Variants in ZFP91 observed in about 807,000 individuals in gnomAD.
The protein encoded by ZFP91 is E3 ubiquitin-protein ligase ZFP91.
A neutral mutation model predicts 63.5 loss-of-function variants in ZFP91; 7 were observed. The ratio of observed to expected loss-of-function variants is 0.11; its 90% CI spans 0.06 to 0.21. The LOEUF (loss-of-function observed/expected upper bound fraction) is 0.21. Ranked by LOEUF, ZFP91 falls within the 10% of genes least tolerant of loss-of-function variation. ZFP91 has a pLI of 1.00. For synonymous variants in ZFP91, 330 were observed against 272.1 expected, an observed-to-expected ratio of 1.21 and a Z score of -2.10; for missense variants, 628 against 736.6, an observed-to-expected ratio of 0.85 and a Z score of 1.71.
intron 2 of ZFP91, among the ~76,000 whole-genome samples, chr11:58,592,646 C>T (rs1027917066): frequency 1.3e-5 from 2 of 151,864 alleles, no homozygotes; most frequent in Non-Finnish European, 2.9e-5. Context: ...ATGTAGTTAC[C>T]GAACGCTGGG....
At chr11:58,612,609 A>T in intron 7 of ZFP91, 153 bp from the exon 8 acceptor site, 1 of 660,346 alleles carries the variant, frequency 1.5e-6, no homozygotes. Flanking sequence ...TACTTCTAAT[A>T]CAAATTCTGT....
At position 58,609,872 on chromosome 11, in the gene ZFP91, C is replaced by G; in HGVS notation, c.413C>G (p.Pro138Arg). 6.2e-7 allele frequency: 1 copy of G among 1,614,164 alleles called. No homozygotes were observed. The highest frequency in any genetic ancestry group is 8.5e-7 in the Non-Finnish European group (1 of 1,180,024). ...EKEEEDDSALPQEVSIAASRP... is the reference protein window; with the variant it reads ...EKEEEDDSALRQEVSIAASRP... ...GAGGAAGAAGACGATTCTGCCCTCC[C>G]TCAGGAAGTTTCCATTGCTGCATCT... The change falls in exon 3 of 11, where the codon CCT (proline) becomes CGT (arginine). Residue 138 changes from proline (P) to arginine (R), a missense_variant. By Grantham distance (103) the Pro-to-Arg change is moderately radical (BLOSUM62 -2). This residue lies in a region of ZFP91 where 437 missense variants were observed against 380.3 expected (regional missense o/e 1.15). Coordinates refer to ENST00000316059, the MANE Select transcript of ZFP91 (RefSeq NM_053023.5).
chr11:58,588,394 G>A (rs149661464), intron 2 of ZFP91, among the ~76,000 whole-genome samples: 14 of 152,060 alleles, frequency 9.2e-5, no homozygotes, highest in Non-Finnish European at 2.1e-4. Flanking sequence ...CATACTATCT[G>A]TAATTATTAC....
Position 58,609,922 on chromosome 11 carries a change from A to T in ZFP91, c.463A>T (p.Ser155Cys). Residue 155 changes from serine to cysteine, a missense_variant, in exon 3 of 11, where the codon AGT becomes TGT. Physicochemically the swap from Ser to Cys is moderately radical, Grantham distance 112 (BLOSUM62 -1). Transcript: ENST00000316059. The part of the protein sequence containing the change: ...ASRPSRGWRS[S>C]RTSVSRHRDT... ...TAGACCTAGCCGGGGCTGGCGTAGT[A>T]GTAGGACATCTGTTTCTCGCCATCG... 1 of 1,614,194 alleles carries T rather than the reference A, an allele frequency of 6.2e-7. No individual in the cohort carries two copies. Among genetic ancestry groups the T allele is most frequent in the Non-Finnish European group, 8.5e-7 (1 of 1,180,024 alleles).
At chr11:58,598,749 C>CGTGTGTGTGTGTGT (rs56110499) in intron 2 of ZFP91, among the ~76,000 whole-genome samples, 3 of 120,814 alleles carry the variant, frequency 2.5e-5, no homozygotes, top group African/African-American at 7.9e-5. Context: ...CTTTTGTGCA[C>CGTGTGTGTGTGTGT]GTGTGTGTGT....
At chr11:58,601,826 T>C (rs1398980098) in intron 2 of ZFP91, among the ~76,000 whole-genome samples, 1 of 152,224 alleles carries the variant, frequency 6.6e-6, no homozygotes. Flanking sequence ...TTCCTTCTGA[T>C]ATTGATTTCT....
chr11:58,600,643 C>T (rs1015877657), intron 2 of ZFP91, among the ~76,000 whole-genome samples: 2 of 152,012 alleles, frequency 1.3e-5, no homozygotes, highest in African/African-American at 4.8e-5. Flanking sequence ...ACTTTGGGTG[C>T]CTCTTTTTTT....
At position 58,619,177 on chromosome 11, in the gene ZFP91, A is replaced by G. The variant is rs11229545; in HGVS notation, c.*1471A>G. ...ACTTCTGAAGAGGAAAAACTTCAAT[A>G]GCCAAAGTTAATAATCCTATATAAT... is the stretch of plus-strand genomic sequence containing the variant. On this transcript the variant is annotated 3_prime_UTR_variant, in exon 11 of 11. Transcript: ENST00000316059. The G allele has an allele frequency of 0.21, 32,204 of 152,854 alleles. 3,644 individuals carry two copies. The highest frequency in any genetic ancestry group is 0.36 in the Middle Eastern group (107 of 294). 9.5% of individuals were successfully genotyped at this position (152,854 alleles called of 1,614,324 possible). A position where few individuals can be genotyped will look rare whatever the true frequency, so the allele number is the denominator to read the frequency against.
In ZFP91 at chr11:58,602,022, A is replaced by G. The variant is rs372827206; in HGVS notation, c.371-7808A>G. On this transcript the variant is annotated intron_variant, in intron 2 of 10. Transcript: ENST00000316059. ...ATGCAACCTCCACCTCCTGGGTTCA[A>G]GCAGTTCTCCTGCCTCAGCGTCCTC... 1.1e-4 allele frequency among the ~76,000 whole-genome samples: 16 copies of G among 152,192 alleles called. No individual in the cohort carries two copies. The East Asian group carries it at 2.9e-3, about 28-fold the overall frequency.
rs1476314902 is a variant in ZFP91, at chr11:58,618,627, G to GA, written c.*922dup. Reference sequence around the variant, plus strand: ...CTATATTTTGTGGGGCTGGGAGAGAGAGATTAGATTATTTTGACATGGGAT... The same window carrying GA: ...CTATATTTTGTGGGGCTGGGAGAGAGAAGATTAGATTATTTTGACATGGGAT... On this transcript the variant is annotated 3_prime_UTR_variant, in exon 11 of 11. Transcript: ENST00000316059. The GA allele has an allele frequency of 6.6e-6, 3 of 454,518 alleles. No individual in the cohort carries two copies. In the East Asian group the frequency reaches 2.1e-4, roughly 32 times the overall value. The allele number at this position is 454,518 out of a possible 1,614,324, so 28.2% of individuals were successfully genotyped here.
Position 58,579,163 on chromosome 11 carries a change from G to A in ZFP91, c.-119G>A. On this transcript the variant is annotated 5_prime_UTR_variant, in exon 1 of 11. Coordinates refer to ENST00000316059, the MANE Select transcript of ZFP91 (RefSeq NM_053023.5). ...GGCGGAGGGGAGGGGGGAAAGAGGA[G>A]CGCAGGGTGAGAGTGAGCCGCAGGC... 1.2e-6 allele frequency: 1 copy of A among 808,024 alleles called. No homozygotes were observed. The highest frequency in any genetic ancestry group is 2.7e-5 in the South Asian group (1 of 36,652). The allele number at this position is 808,024 out of a possible 1,614,324, so 50.1% of individuals were successfully genotyped here. A position where few individuals can be genotyped will look rare whatever the true frequency, so the allele number is the denominator to read the frequency against.
intron 2 of ZFP91, among the ~76,000 whole-genome samples, chr11:58,606,583 A>G (rs1855573520): frequency 6.6e-6 from 1 of 152,146 alleles, no homozygotes; most frequent in Non-Finnish European, 1.5e-5. Context: ...AATTTAGGAT[A>G]CAAATGATCC....
intron 2 of ZFP91, among the ~76,000 whole-genome samples, chr11:58,592,821 G>C (rs143819886): frequency 6.6e-6 from 1 of 152,288 alleles, no homozygotes; most frequent in Non-Finnish European, 1.5e-5. Context: ...GTAAAGAAAA[G>C]AGTTTTTTCT....
chr11:58,612,159 C>T lies in ZFP91; in HGVS notation c.858-119C>T, dbSNP rs2134420978. 3.0e-6 allele frequency: 3 copies of T among 991,746 alleles called. No individual in the cohort carries two copies. In the South Asian group the frequency reaches 4.9e-5, roughly 16 times the overall value. The allele number at this position is 991,746 out of a possible 1,614,324, so 61.4% of individuals were successfully genotyped here. On this transcript the variant is annotated intron_variant, in intron 6 of 10. Coordinates refer to ENST00000316059, the MANE Select transcript of ZFP91 (RefSeq NM_053023.5). ...AGATATATCTTTGACTTTATGTATTCTTGGTTATCCTTTGCCACTTGTTCT... is the reference window on the plus strand; with the variant it reads ...AGATATATCTTTGACTTTATGTATTTTTGGTTATCCTTTGCCACTTGTTCT...
In ZFP91 at chr11:58,611,903, ACT is replaced by A. The variant is rs936302471; in HGVS notation, c.857+168_857+169del. 5 of 699,678 alleles carry A rather than the reference ACT, an allele frequency of 7.1e-6. No homozygotes were observed. The East Asian group carries it at 8.8e-5, about 12-fold the overall frequency. The allele number at this position is 699,678 out of a possible 1,614,324, so 43.3% of individuals were successfully genotyped here. A position where few individuals can be genotyped will look rare whatever the true frequency, so the allele number is the denominator to read the frequency against. On this transcript the variant is annotated intron_variant, in intron 6 of 10. Transcript: ENST00000316059. ...AGCAGCTGACAATTTCACTGGAGAG[ACT>A]CTTAGTAAAAAAATGTTTAGGTTTT... is the stretch of plus-strand genomic sequence containing the variant.
chr11:58,583,166 A>C (rs2134387302), intron 1 of ZFP91, among the ~76,000 whole-genome samples: 1 of 152,238 alleles, frequency 6.6e-6, no homozygotes, highest in Middle Eastern at 3.4e-3. Flanking sequence ...TTGTCAAATT[A>C]AGACTAGGTT....
intron 6 of ZFP91, 161 bp from the exon 7 acceptor site, chr11:58,612,117 T>G: frequency 4.3e-6 from 3 of 698,780 alleles, no homozygotes; most frequent in Non-Finnish European, 7.1e-6. Context: ...AGGGTAAAAT[T>G]ACTTGCTTGA....
chr11:58,612,250 T>C, intron 6 of ZFP91, 28 bp from the exon 7 acceptor site: 2 of 1,612,268 alleles, frequency 1.2e-6, no homozygotes, highest in Non-Finnish European at 1.7e-6. Flanking sequence ...TCAGAATATG[T>C]CTACTGTTAC....
At position 58,610,454 on chromosome 11, in the gene ZFP91, G is replaced by A. The variant is rs546565661; in HGVS notation, c.617+120G>A. 1.9e-4 allele frequency: 173 copies of A among 896,526 alleles called. No individual in the cohort carries two copies. The East Asian group carries it at 4.5e-3, about 23-fold the overall frequency. The allele number at this position is 896,526 out of a possible 1,614,324, so 55.5% of individuals were successfully genotyped here. On this transcript the variant is annotated intron_variant, in intron 4 of 10. Coordinates refer to ENST00000316059, the MANE Select transcript of ZFP91 (RefSeq NM_053023.5). ...TGAGCTGTAAGAGAAATTAACTTCA[G>A]TTTTGATACTGCATTTAGATTCCAT...
Sources: allele counts gnomAD v4.1 joint callset (sites outside exome capture counted in the v4.1 genomes callset), GRCh38; gene constraint gnomAD v4.1.1; regional missense constraint gnomAD v4.1.1; transcripts MANE v1.5; gene names NCBI Gene and HGNC (gene_info 2026-07-23, HGNC 2026-07-21).